Variants in RNF150 observed in about 807,000 individuals in gnomAD.
RNF150 encodes ring finger protein 150.
Under a neutral mutation model 39.3 loss-of-function variants are expected in RNF150, and 24 were observed. That is an observed-to-expected ratio of 0.61 (90% CI 0.44 to 0.86). The LOEUF is 0.86. Ranked by LOEUF, RNF150 falls within the 40% of genes least tolerant of loss-of-function variation. The pLI, the probability that RNF150 is intolerant of heterozygous loss-of-function variation, is 0.00. For missense variants in RNF150, 502 were observed against 587.8 expected, an observed-to-expected ratio of 0.85 and a Z score of 1.51; for synonymous variants, 255 against 227.3, an observed-to-expected ratio of 1.12 and a Z score of -1.10.
chr4:141,072,232 G>A (rs571894772), intron 1 of RNF150, among the ~76,000 whole-genome samples: 2 of 152,300 alleles, frequency 1.3e-5, no homozygotes, highest in South Asian at 2.1e-4. Flanking sequence ...TTATGAAAGA[G>A]CCAGGTAAAA....
At chr4:140,916,022 A>G (rs562050399) in intron 5 of RNF150, among the ~76,000 whole-genome samples, 1 of 152,334 alleles carries the variant, frequency 6.6e-6, no homozygotes, top group South Asian at 2.1e-4. Context: ...CAGAAAGGAC[A>G]TCCACACCAA....
At chr4:141,166,812 T>G (rs1218195689) in intron 1 of RNF150, among the ~76,000 whole-genome samples, 1 of 152,070 alleles carries the variant, frequency 6.6e-6, no homozygotes, top group Non-Finnish European at 1.5e-5. Context: ...GGAAAGCTAT[T>G]TATGACAAAC....
At chr4:141,046,513 A>T (rs943465851) in intron 1 of RNF150, among the ~76,000 whole-genome samples, 1 of 152,170 alleles carries the variant, frequency 6.6e-6, no homozygotes, top group Non-Finnish European at 1.5e-5. Flanking sequence ...ACCAGGGCCA[A>T]ACTTGAAGTT....
chr4:141,031,366 C>G (rs1415795723), intron 1 of RNF150, among the ~76,000 whole-genome samples: 2 of 151,688 alleles, frequency 1.3e-5, no homozygotes, highest in African/African-American at 4.8e-5. Context: ...TGGGTAAGAG[C>G]TAAAAAACAC....
intron 1 of RNF150, among the ~76,000 whole-genome samples, chr4:141,198,380 T>G (rs1168073576): frequency 6.6e-6 from 1 of 152,220 alleles, no homozygotes; most frequent in Non-Finnish European, 1.5e-5. Flanking sequence ...GATTAATTCA[T>G]AGATTTTTCA....
chr4:141,042,516 GA>G (rs899868178), intron 1 of RNF150, among the ~76,000 whole-genome samples: 11 of 151,718 alleles, frequency 7.3e-5, no homozygotes, highest in African/African-American at 1.4e-4. Context: ...AGATGTGTCT[GA>G]AAAAAAATGC....
intron 1 of RNF150, among the ~76,000 whole-genome samples, chr4:140,983,548 G>A (rs1489212530): frequency 6.6e-6 from 1 of 152,008 alleles, no homozygotes; most frequent in African/African-American, 2.4e-5. Context: ...TGTAGATCTT[G>A]CCTCATGTAG....
chr4:140,987,790 A>G (rs1734062166), intron 1 of RNF150, among the ~76,000 whole-genome samples: 1 of 152,206 alleles, frequency 6.6e-6, no homozygotes, highest in African/African-American at 2.4e-5. Flanking sequence ...GCTTTGGTAC[A>G]GCAAAAGAAA....
rs1560696593 is a variant in RNF150, at chr4:141,027,912, G to GTTTTTTGTTTTTTTTT, written c.485-60040_485-60039insAAAAAAAAACAAAAAA. ...TAGATAGTTAATGAGCTTGGAATTT[G>GTTTTTTGTTTTTTTTT]TTTTTTTTTTTTTGTTTTTTTTTTT... On this transcript the variant is annotated intron_variant, in intron 1 of 6. Coordinates refer to ENST00000515673, the MANE Select transcript of RNF150 (RefSeq NM_020724.2). 1.5e-4 allele frequency among the ~76,000 whole-genome samples: 4 copies of GTTTTTTGTTTTTTTTT among 27,102 alleles called. 1 individual carries two copies. Among genetic ancestry groups the GTTTTTTGTTTTTTTTT allele is most frequent in the Non-Finnish European group, 3.4e-4 (4 of 11,596 alleles). 17.8% of individuals were successfully genotyped at this position (27,102 alleles called of 152,430 possible). A position where few individuals can be genotyped will look rare whatever the true frequency, so the allele number is the denominator to read the frequency against.
intron 1 of RNF150, among the ~76,000 whole-genome samples, chr4:141,084,559 G>A (rs985966158): frequency 6.6e-6 from 1 of 152,194 alleles, no homozygotes; most frequent in African/African-American, 2.4e-5. Context: ...CAGCAAGTCT[G>A]CTCTCAAATG....
intron 6 of RNF150, among the ~76,000 whole-genome samples, chr4:140,887,501 C>A (rs1199767755): frequency 6.6e-6 from 1 of 152,228 alleles, no homozygotes; most frequent in Non-Finnish European, 1.5e-5. Context: ...TATACCCTTC[C>A]TTTCCCTGGC....
intron 1 of RNF150, among the ~76,000 whole-genome samples, chr4:141,187,276 T>C (rs902123074): frequency 5.3e-5 from 8 of 152,194 alleles, no homozygotes; most frequent in African/African-American, 1.9e-4. Context: ...TCCAATTATA[T>C]GGTCAATTTT....
chr4:140,927,904 C>T (rs1303778524), intron 4 of RNF150, among the ~76,000 whole-genome samples: 3 of 151,950 alleles, frequency 2.0e-5, no homozygotes, highest in Non-Finnish European at 4.4e-5. Context: ...CCACCTCAGC[C>T]TCTCAAAGTG....
At chr4:141,143,966 C>G (rs886824480) in intron 1 of RNF150, among the ~76,000 whole-genome samples, 1 of 152,136 alleles carries the variant, frequency 6.6e-6, no homozygotes, top group African/African-American at 2.4e-5. Flanking sequence ...CTTTTAATAA[C>G]AGCATGCAAT....
At chr4:140,969,023 G>A (rs1191764085) in intron 1 of RNF150, among the ~76,000 whole-genome samples, 1 of 152,000 alleles carries the variant, frequency 6.6e-6, no homozygotes, top group African/African-American at 2.4e-5. Context: ...CAACAAGGAT[G>A]TTGTAGATTC....
At chr4:141,074,944 A>G (rs1249283086) in intron 1 of RNF150, among the ~76,000 whole-genome samples, 1 of 152,200 alleles carries the variant, frequency 6.6e-6, no homozygotes, top group Non-Finnish European at 1.5e-5. Flanking sequence ...AGCACATTAC[A>G]TATTCTATTT....
At chr4:140,873,911 C>A (rs1211931265) in intron 6 of RNF150, among the ~76,000 whole-genome samples, 1 of 152,138 alleles carries the variant, frequency 6.6e-6, no homozygotes, top group Non-Finnish European at 1.5e-5. Context: ...TGGGCTCAAG[C>A]AATCCTCCTG....
chr4:140,923,980 G>A lies in RNF150; in HGVS notation c.987+1997C>T, dbSNP rs185849979. On this transcript the variant is annotated intron_variant, in intron 5 of 6. Transcript: ENST00000515673. ...ACACTGGGGCCTGTTGTGGGGTGGG[G>A]GAAGGGGGGAGGGATAGCATTAGGA... Among the ~76,000 whole-genome samples, 1,264 of 152,142 alleles carry A rather than the reference G, an allele frequency of 8.3e-3. 23 individuals carry two copies. The highest frequency in any genetic ancestry group is 0.029 in the African/African-American group (1,192 of 41,490).
chr4:140,890,686 T>A (rs1272017685), intron 6 of RNF150, among the ~76,000 whole-genome samples: 1 of 152,240 alleles, frequency 6.6e-6, no homozygotes, highest in Non-Finnish European at 1.5e-5. Context: ...GCAGCCATCC[T>A]GATCTTGGAC....
Sources: allele counts gnomAD v4.1 joint callset (sites outside exome capture counted in the v4.1 genomes callset), GRCh38; gene constraint gnomAD v4.1.1; transcripts MANE v1.5; gene names NCBI Gene and HGNC (gene_info 2026-07-23, HGNC 2026-07-21).